The following GFM1 variants were observed in gnomAD, a reference collection of about 807,000 sequenced individuals.
GFM1 encodes G elongation factor mitochondrial 1, also known as elongation factor G, mitochondrial.
Under a neutral mutation model 96.2 loss-of-function variants are expected in GFM1, and 62 were observed. The observed-to-expected ratio is 0.64, with a 90% CI of 0.53 to 0.80. The LOEUF is 0.80. Among genes scored for constraint, GFM1 ranks in the 30% least tolerant of loss-of-function variants. GFM1 has a pLI of 0.00. For synonymous variants in GFM1, 282 were observed against 312.9 expected (o/e 0.90, Z 1.04); for missense variants, 852 against 916.6 (o/e 0.93, Z 0.91).
rs1726346613 is a variant in GFM1, at chr3:158,691,821, G to C, written c.*354G>C. The C allele has an allele frequency of 4.7e-6, 1 of 211,888 alleles. No individual in the cohort carries two copies. The highest frequency in any genetic ancestry group is 9.6e-6 in the Non-Finnish European group (1 of 104,362). The allele number at this position is 211,888 out of a possible 1,614,324, so 13.1% of individuals were successfully genotyped here. ...TTCATTTCCAAATTTTGTATCATAA[G>C]AGTTTTCAACATAGAGAAAAGCTGA... On this transcript the variant is annotated 3_prime_UTR_variant, in exon 18 of 18. Transcript: ENST00000486715.
chr3:158,660,029 G>C (rs1723072182), intron 9 of GFM1, among the ~76,000 whole-genome samples: 1 of 152,144 alleles, frequency 6.6e-6, no homozygotes. Flanking sequence ...AGGAAGCTTG[G>C]AGGCACCAAT....
At chr3:158,674,389 A>C (rs1448404080) in intron 13 of GFM1, among the ~76,000 whole-genome samples, 2 of 152,038 alleles carry the variant, frequency 1.3e-5, no homozygotes, top group Non-Finnish European at 2.9e-5. Flanking sequence ...GCATTTGTTA[A>C]ACCCTGACCC....
rs780388853 is a variant in GFM1 at position 158,682,201 on chromosome 3, A to C, written c.1764+44A>C. 4.7e-6 allele frequency: 7 copies of C among 1,484,022 alleles called. No homozygotes were observed. In the Admixed American group the frequency reaches 9.1e-5, roughly 19 times the overall value. 91.9% of individuals were successfully genotyped at this position (1,484,022 alleles called of 1,614,324 possible). On this transcript the variant is annotated intron_variant, in intron 14 of 17. Coordinates refer to ENST00000486715, the MANE Select transcript of GFM1 (RefSeq NM_024996.7). Reference sequence around the variant, plus strand: ...GTTTTTGCATTTTTACTTACTAAAAACAGTTTATCAGGTATTAAATCATAC... The same window carrying C: ...GTTTTTGCATTTTTACTTACTAAAACCAGTTTATCAGGTATTAAATCATAC...
At chr3:158,674,543 T>C (rs1724704614) in intron 13 of GFM1, among the ~76,000 whole-genome samples, 1 of 152,142 alleles carries the variant, frequency 6.6e-6, no homozygotes, top group African/African-American at 2.4e-5. Flanking sequence ...AGACTGTTCA[T>C]TTGAGAGACA....
chr3:158,670,848 G>A, intron 13 of GFM1: 1 of 1,283,350 alleles, frequency 7.8e-7, no homozygotes, highest in Non-Finnish European at 1.0e-6. Context: ...GTGGGAAGAT[G>A]GCCTGAGCCC....
intron 9 of GFM1, 56 bp from the exon 10 acceptor site, chr3:158,660,818 C>A (rs1234407711): frequency 6.9e-7 from 1 of 1,442,058 alleles, no homozygotes; most frequent in African/African-American, 1.4e-5. Context: ...TTTTTAGTTA[C>A]CACATCTTTA....
intron 13 of GFM1, among the ~76,000 whole-genome samples, chr3:158,675,285 CAAAAAAA>C (rs1172885215): frequency 1.9e-4 from 10 of 52,664 alleles, no homozygotes; most frequent in East Asian, 8.9e-4. Flanking sequence ...GACTCCATCT[CAAAAAAA>C]AAAAAAAAAA....
chr3:158,669,339 A>G (rs1724037561), intron 13 of GFM1: 1 of 1,339,534 alleles, frequency 7.5e-7, no homozygotes, highest in Non-Finnish European at 1.0e-6. Context: ...GTAAGTTTCT[A>G]ACATACTTAG....
At position 158,646,818 on chromosome 3, in the gene GFM1, T is replaced by C. The variant is rs758591202; in HGVS notation, c.443T>C (p.Val148Ala). ...LDGAVLVLCA[V>A]GGVQCQTMTV... is the part of the protein sequence containing the mutation. ...GGTGCAGTCCTTGTTCTCTGTGCTG[T>C]TGGAGGGGTACAGTGCCAGACCATG... The change falls in exon 4 of 18, where the codon GTT (valine) becomes GCT (alanine). Residue 148 changes from valine to alanine, a missense_variant. Physicochemically the swap from Val to Ala is moderately conservative, Grantham distance 64 (BLOSUM62 0). Coordinates refer to ENST00000486715, the MANE Select transcript of GFM1 (RefSeq NM_024996.7). 99 of 1,614,070 alleles carry C rather than the reference T, an allele frequency of 6.1e-5. 2 individuals carry two copies. The highest frequency in any genetic ancestry group is 4.5e-4 in the South Asian group (41 of 91,086).
rs998547093 is a variant in GFM1 at position 158,694,334 on chromosome 3, A to G, written c.*2867A>G. 4.6e-5 allele frequency among the ~76,000 whole-genome samples: 7 copies of G among 152,226 alleles called. No homozygotes were observed. The highest frequency in any genetic ancestry group is 1.7e-4 in the African/African-American group (7 of 41,460). On this transcript the variant is annotated 3_prime_UTR_variant, in exon 18 of 18. Transcript: ENST00000486715. ...CCTCATCAAACTAACATAGGAAAAG[A>G]AAACCAAATACTGCATGTTCTCACT...
chr3:158,649,030 T>C lies in GFM1; in HGVS notation c.573-11T>C. 1.6e-6 allele frequency: 2 copies of C among 1,233,986 alleles called. No individual in the cohort carries two copies. The highest frequency in any genetic ancestry group is 2.4e-6 in the Non-Finnish European group (2 of 833,774). The allele number at this position is 1,233,986 out of a possible 1,614,324, so 76.4% of individuals were successfully genotyped here. A position where few individuals can be genotyped will look rare whatever the true frequency, so the allele number is the denominator to read the frequency against. On this transcript the variant is annotated splice_polypyrimidine_tract_variant and intron_variant, in intron 4 of 17. Coordinates refer to ENST00000486715, the MANE Select transcript of GFM1 (RefSeq NM_024996.7). ...AGAAAAAAGGTAAACAAGTGTATTT[T>C]TATTTTTCAGGTCTAAACTAAATCA...
chr3:158,682,143 C>CCTG lies in GFM1; in HGVS notation c.1754_1756dup (p.Ala585dup). ...ATCAAATATTCCAAAGCAGTTTGTGCCTGCTGTAGAAAAGGTAAATTTTTA... is the reference window on the plus strand; with the variant it reads ...ATCAAATATTCCAAAGCAGTTTGTGCCTGCTGCTGTAGAAAAGGTAAATTTTTA... On this transcript the variant is annotated inframe_insertion, in exon 14 of 18. Coordinates refer to ENST00000486715, the MANE Select transcript of GFM1 (RefSeq NM_024996.7). 1 of 1,613,278 alleles carries CCTG rather than the reference C, an allele frequency of 6.2e-7. No individual in the cohort carries two copies. The highest frequency in any genetic ancestry group is 8.5e-7 in the Non-Finnish European group (1 of 1,179,584).
chr3:158,655,925 T>C (rs1722714431), intron 8 of GFM1: 2 of 457,132 alleles, frequency 4.4e-6, no homozygotes, highest in Non-Finnish European at 8.8e-6. Context: ...TAATAGTTTC[T>C]TAGACTTTCC....
chr3:158,686,646 T>A (rs1023639241), intron 15 of GFM1, among the ~76,000 whole-genome samples: 1 of 118,636 alleles, frequency 8.4e-6, no homozygotes, highest in Admixed American at 7.9e-5. Flanking sequence ...TTAGGTATAG[T>A]ATATATATTA....
At chr3:158,690,468 GCAACTCTTAA>G in intron 16 of GFM1, 145 bp downstream of exon 16, 1 of 766,520 alleles carries the variant, frequency 1.3e-6, no homozygotes, top group African/African-American at 1.7e-5. Flanking sequence ...TGCTATTAAA[GCAACTCTTAA>G]GTGCAGAAGT....
At chr3:158,650,093 T>C (rs537109923) in intron 5 of GFM1, 5 of 1,506,718 alleles carry the variant, frequency 3.3e-6, no homozygotes, top group East Asian at 2.4e-5. Context: ...CAGTGAACTA[T>C]AGAATTTATC....
intron 14 of GFM1, among the ~76,000 whole-genome samples, chr3:158,683,051 A>C (rs1419385718): frequency 1.3e-5 from 2 of 151,944 alleles, no homozygotes; most frequent in African/African-American, 4.8e-5. Context: ...AAAAAAAAAA[A>C]AACTGTTGTA....
chr3:158,645,486 A>C (rs1721696782), intron 1 of GFM1, 143 bp from the exon 2 acceptor site: 1 of 723,314 alleles, frequency 1.4e-6, no homozygotes, highest in East Asian at 2.7e-5. Flanking sequence ...TCCAGGCTTA[A>C]AGGTTTCCCC....
At chr3:158,653,773 T>G (rs573580185) in intron 7 of GFM1, among the ~76,000 whole-genome samples, 15 of 152,154 alleles carry the variant, frequency 9.9e-5, no homozygotes, top group Middle Eastern at 6.8e-3. Context: ...AAAAAAAGTT[T>G]TAAGAAACAA....
Sources: allele counts gnomAD v4.1 joint callset (sites outside exome capture counted in the v4.1 genomes callset), GRCh38; gene constraint gnomAD v4.1.1; transcripts MANE v1.5; gene names NCBI Gene and HGNC (gene_info 2026-07-23, HGNC 2026-07-21).